The following RBM47 variants were observed in gnomAD, a reference collection of about 807,000 sequenced individuals.
RBM47 encodes the protein RNA binding motif protein 47.
Under a neutral mutation model 47.1 loss-of-function variants are expected in RBM47, and 21 were observed. The observed-to-expected ratio is 0.45, with a 90% CI of 0.32 to 0.64. The LOEUF (loss-of-function observed/expected upper bound fraction) is 0.64. Among genes scored for constraint, RBM47 ranks in the 30% least tolerant of loss-of-function variants. RBM47 has a pLI of 0.05. For synonymous variants in RBM47, 375 were observed against 361.7 expected, an observed-to-expected ratio of 1.04 and a Z score of -0.42; for missense variants, 708 against 870.9, an observed-to-expected ratio of 0.81 and a Z score of 2.35.
intron 2 of RBM47, among the ~76,000 whole-genome samples, chr4:40,529,210 A>G (rs62302051): frequency 0.17 from 25,541 of 152,066 alleles, 2,287 homozygotes; most frequent in Admixed American, 0.21. Context: ...AAAAAATATC[A>G]TAAGTCAAAA....
Position 40,431,590 on chromosome 4 carries a change from G to C in RBM47, c.1542+1061C>G, listed in dbSNP as rs979484255. Among the ~76,000 whole-genome samples the C allele has an allele frequency of 2.6e-5, 4 of 151,850 alleles. No individual in the cohort carries two copies. The East Asian group carries it at 5.8e-4, about 22-fold the overall frequency. On this transcript the variant is annotated intron_variant, in intron 6 of 6. Transcript: ENST00000295971. ...GGAGAATGGCGTGAACCTGGGAGGC[G>C]GAGCTTGCAGTGAGCCGAGATGGCG...
At chr4:40,506,553 C>T (rs1295524276) in intron 2 of RBM47, among the ~76,000 whole-genome samples, 3 of 152,188 alleles carry the variant, frequency 2.0e-5, no homozygotes, top group East Asian at 1.9e-4. Flanking sequence ...CAGAGGGCTC[C>T]GCTGTTGACT....
In RBM47 at chr4:40,552,572, A is replaced by G. The variant is rs1199328664; in HGVS notation, c.-239-8066T>C. Among the ~76,000 whole-genome samples, 3 of 152,188 alleles carry G rather than the reference A, an allele frequency of 2.0e-5. No homozygotes were observed. The East Asian group carries it at 5.8e-4, about 29-fold the overall frequency. On this transcript the variant is annotated intron_variant, in intron 1 of 6. Transcript: ENST00000295971. ...ATTTCTGTATATGGCTGCCGAATCC[A>G]CATTCTGATAGATCAATCTTTCTTT...
intron 1 of RBM47, among the ~76,000 whole-genome samples, chr4:40,568,843 TGCTGATG>T (rs1731362777): frequency 1.3e-5 from 2 of 151,688 alleles, no homozygotes; most frequent in Non-Finnish European, 2.9e-5. Flanking sequence ...TAACTGGGCG[TGCTGATG>T]GGTGCCTGTA....
At chr4:40,478,308 C>A (rs1285185002) in intron 2 of RBM47, among the ~76,000 whole-genome samples, 2 of 152,200 alleles carry the variant, frequency 1.3e-5, no homozygotes, top group East Asian at 3.8e-4. Flanking sequence ...AGCCACCACA[C>A]CCGGTCACAT....
intron 2 of RBM47, among the ~76,000 whole-genome samples, chr4:40,489,728 T>G (rs542160286): frequency 6.6e-6 from 1 of 152,270 alleles, no homozygotes; most frequent in South Asian, 2.1e-4. Context: ...CTCTGGAGGA[T>G]TCTATCAAAT....
At chr4:40,618,410 G>A (rs1736937896) in intron 1 of RBM47, among the ~76,000 whole-genome samples, 1 of 151,994 alleles carries the variant, frequency 6.6e-6, no homozygotes, top group South Asian at 2.1e-4. Context: ...TGACAGAGTG[G>A]CACCTTGTCT....
chr4:40,613,285 TCTA>T (rs1736407887), intron 1 of RBM47, among the ~76,000 whole-genome samples: 1 of 152,194 alleles, frequency 6.6e-6, no homozygotes, highest in Non-Finnish European at 1.5e-5. Flanking sequence ...CTGAAAAGAT[TCTA>T]CTAACAACTT....
At chr4:40,568,329 T>C (rs1731289828) in intron 1 of RBM47, among the ~76,000 whole-genome samples, 1 of 146,062 alleles carries the variant, frequency 6.8e-6, no homozygotes, top group African/African-American at 2.5e-5. Context: ...CTCAGAAGGC[T>C]GAGGTAAAGG....
intron 2 of RBM47, among the ~76,000 whole-genome samples, chr4:40,471,214 T>C (rs1315757965): frequency 2.0e-5 from 3 of 152,078 alleles, no homozygotes; most frequent in Non-Finnish European, 4.4e-5. Context: ...GAGCCTCAGG[T>C]TGTTACCCGT....
chr4:40,436,371 G>A lies in RBM47; in HGVS notation c.1330+70C>T, dbSNP rs1229601835. 5 of 1,462,566 alleles carry A rather than the reference G, an allele frequency of 3.4e-6. No individual in the cohort carries two copies. In the East Asian group the frequency reaches 6.8e-5, roughly 20 times the overall value. The allele number at this position is 1,462,566 out of a possible 1,614,324, so 90.6% of individuals were successfully genotyped here. ...AGATGTGAGAGCCTGAAAAACGCTT[G>A]GATTCACTTCAAACAGAAGGGCTGG... On this transcript the variant is annotated intron_variant, in intron 5 of 6. Coordinates refer to ENST00000295971, the MANE Select transcript of RBM47 (RefSeq NM_001098634.2).
chr4:40,544,907 CA>C (rs1728869456), intron 1 of RBM47, among the ~76,000 whole-genome samples: 1 of 151,992 alleles, frequency 6.6e-6, no homozygotes, highest in African/African-American at 2.4e-5. Flanking sequence ...CCTATCTCTA[CA>C]AAAAAATTTA....
At position 40,436,383 on chromosome 4, in the gene RBM47, A is replaced by G. The variant is rs1712406850; in HGVS notation, c.1330+58T>C. The stretch of plus-strand genomic sequence containing the variant: ...CTGAAAAACGCTTGGATTCACTTCA[A>G]ACAGAAGGGCTGGGGTTTATGCTGA... On this transcript the variant is annotated intron_variant, in intron 5 of 6. Coordinates refer to ENST00000295971, the MANE Select transcript of RBM47 (RefSeq NM_001098634.2). 10 of 1,533,122 alleles carry G rather than the reference A, an allele frequency of 6.5e-6. No individual in the cohort carries two copies. In the South Asian group the frequency reaches 7.9e-5, roughly 12 times the overall value. 95.0% of individuals were successfully genotyped at this position (1,533,122 alleles called of 1,614,324 possible).
chr4:40,528,946 AAAAAAAT>A (rs146355287), intron 2 of RBM47, among the ~76,000 whole-genome samples: 22,099 of 102,996 alleles, frequency 0.21, 1,968 homozygotes, highest in African/African-American at 0.4. Flanking sequence ...CCGTCTCAAA[AAAAAAAT>A]AAATAAATAA....
chr4:40,441,399 T>A (rs1158901948), intron 3 of RBM47, among the ~76,000 whole-genome samples: 1 of 152,018 alleles, frequency 6.6e-6, no homozygotes, highest in Admixed American at 6.5e-5. Context: ...ATTACAGGCA[T>A]GAGCCACCAC....
chr4:40,438,036 C>A lies in RBM47; in HGVS notation c.858G>T (p.Val286=). 6.2e-7 allele frequency: 1 copy of A among 1,613,666 alleles called. No homozygotes were observed. Among genetic ancestry groups the A allele is most frequent in the Non-Finnish European group, 8.5e-7 (1 of 1,180,032 alleles). Residue 286 remains valine (V), a synonymous_variant, in exon 4 of 7, where the codon GTG becomes GTT. Coordinates refer to ENST00000295971, the MANE Select transcript of RBM47 (RefSeq NM_001098634.2). ...RVKKIRDYAF[V]HFTSREDAVH... ...CGGCATCCTCGCGGCTGGTGAAGTG[C>A]ACGAAGGCGTAGTCGCGGATCTTCT...
chr4:40,513,750 C>T (rs1725234632), intron 2 of RBM47, among the ~76,000 whole-genome samples: 1 of 151,482 alleles, frequency 6.6e-6, no homozygotes, highest in South Asian at 2.1e-4. Flanking sequence ...CGGAGTTTCG[C>T]TCTTGTCACC....
chr4:40,625,227 C>T (rs963905415), intron 1 of RBM47, among the ~76,000 whole-genome samples: 23 of 152,092 alleles, frequency 1.5e-4, no homozygotes, highest in Non-Finnish European at 2.8e-4. Context: ...AATGGTTTAC[C>T]TGAGCTTACA....
Position 40,569,448 on chromosome 4 carries a change from C to T in RBM47, c.-239-24942G>A, listed in dbSNP as rs557341424. Among the ~76,000 whole-genome samples the T allele has an allele frequency of 1.8e-4, 26 of 148,386 alleles. 1 individual carries two copies. In the East Asian group the frequency reaches 2.0e-3, roughly 11 times the overall value. ...TTTTTGAGACGGAGTCTGGCTCTGT[C>T]GCCCAGGCTGGAGTGCAGTGGTGCG... On this transcript the variant is annotated intron_variant, in intron 1 of 6. Transcript: ENST00000295971.
Sources: gnomAD v4.1 joint callset for allele counts (sites outside exome capture counted in the v4.1 genomes callset) on GRCh38, gnomAD v4.1.1 for gene constraint, MANE v1.5 for transcripts, NCBI Gene and HGNC (gene_info 2026-07-23, HGNC 2026-07-21) for gene names.